Variants in NUMA1 observed in about 807,000 individuals in gnomAD.
NUMA1 encodes SP-H antigen.
In NUMA1, 62 loss-of-function variants were observed where a neutral mutation model predicts 237.1. That is an observed-to-expected ratio of 0.26 (90% CI 0.21 to 0.32). The LOEUF (loss-of-function observed/expected upper bound fraction) is 0.32, where lower values mean the gene tolerates loss of function less well. NUMA1 is among the 10% of genes least tolerant of loss of function. The probability of loss-of-function intolerance (pLI) is 1.00; values close to 1 mark genes in which losing one functional copy is unlikely to be tolerated. For missense variants in NUMA1, 2,533 were observed against 2,666.5 expected (o/e 0.95, Z 1.10); for synonymous variants, 1,028 against 1,066.1 (o/e 0.96, Z 0.70).
chr11:72,004,951 C>T, intron 23 of NUMA1, 135 bp from the exon 24 acceptor site: 1 of 919,806 alleles, frequency 1.1e-6, no homozygotes, highest in Non-Finnish European at 1.6e-6. Context: ...TAGAAAGACA[C>T]AAGGCCTCCT....
At chr11:72,077,210 T>C (rs1057264057) in intron 1 of NUMA1, among the ~76,000 whole-genome samples, 5 of 152,276 alleles carry the variant, frequency 3.3e-5, no homozygotes, top group Middle Eastern at 3.4e-3. Context: ...GAGGTAATGA[T>C]TGGGAATTTT....
In NUMA1 at chr11:72,041,920, G is replaced by T. The variant is rs1407311261; in HGVS notation, c.-32-5945C>A. The T allele has an allele frequency of 3.3e-5, 5 of 152,384 alleles. No individual in the cohort carries two copies. The East Asian group carries it at 9.6e-4, about 29-fold the overall frequency. The allele number at this position is 152,384 out of a possible 1,614,324, so 9.4% of individuals were successfully genotyped here. ...GGCAGATTCTGGCCCTGGAGTACAG[G>T]CCTGCGCTGTCCTGTGCTGCGTGCT... On this transcript the variant is annotated intron_variant, in intron 2 of 26. Transcript: ENST00000393695.
intron 2 of NUMA1, among the ~76,000 whole-genome samples, chr11:72,054,290 A>G (rs1942520042): frequency 6.6e-6 from 1 of 151,830 alleles, no homozygotes; most frequent in Non-Finnish European, 1.5e-5. Context: ...ACATGGTGAA[A>G]CCCTGTCTCC....
chr11:72,022,157 C>T (rs141670596), intron 7 of NUMA1, 182 bp downstream of exon 7: 11 of 527,112 alleles, frequency 2.1e-5, no homozygotes, highest in African/African-American at 7.8e-5. Context: ...ATGAGTTTAT[C>T]GGCAACTGTT....
Position 72,004,092 on chromosome 11 carries a change from C to T in NUMA1, c.6131G>A (p.Arg2044Gln), listed in dbSNP as rs201385605. The change falls in exon 26 of 27, where the codon CGG becomes CAG. Residue 2044 changes from arginine (R) to glutamine (Q), a missense_variant. Arg to Gln is a conservative substitution (Grantham distance 43). This residue lies in a region of NUMA1 where 795 missense variants were observed against 750.8 expected (regional missense o/e 1.06). Transcript: ENST00000393695. ...AAPASTKQAD[R>Q]RQSMAFSILN... ...GATGCTGAAGGCCATCGACTGGCGC[C>T]GGTCAGCCTGCAAGGAAGGGCTGTC... is the stretch of plus-strand genomic sequence containing the variant. 1.9e-4 allele frequency: 303 copies of T among 1,613,214 alleles called. 2 individuals are homozygous for T. The highest frequency in any genetic ancestry group is 1.4e-4 in the Non-Finnish European group (163 of 1,179,698).
chr11:72,009,136 T>C lies in NUMA1; in HGVS notation c.4889A>G (p.Glu1630Gly). 6.2e-7 allele frequency: 1 copy of C among 1,611,726 alleles called. No individual in the cohort carries two copies. The highest frequency in any genetic ancestry group is 1.1e-5 in the South Asian group (1 of 91,020). Residue 1630 changes from glutamate (E) to glycine (G), a missense_variant, in exon 19 of 27, where the codon GAG becomes GGG. Physicochemically the swap from Glu to Gly is moderately conservative, Grantham distance 98. Transcript: ENST00000393695. ...HYDAKKQQNQ[E>G]LQEQLRSLEQ... ...CAGGCTCCGCAGCTGCTCCTGCAGC[T>C]CTTGGTTCTGCTGCTTCTTGGCATC...
At chr11:72,068,226 A>C (rs1449894334) in intron 2 of NUMA1, 1 of 152,226 alleles carries the variant, frequency 6.6e-6, no homozygotes, top group Non-Finnish European at 1.5e-5. Flanking sequence ...CCTCAGCTGC[A>C]GTTTCCTATA....
At chr11:72,006,558 GAAAT>G (rs1293697211) in intron 21 of NUMA1, among the ~76,000 whole-genome samples, 1 of 152,196 alleles carries the variant, frequency 6.6e-6, no homozygotes, top group Non-Finnish European at 1.5e-5. Context: ...GAAGTGCAAA[GAAAT>G]AAAGTGACTA....
At chr11:72,012,076 G>A (rs1366584820) in intron 16 of NUMA1, among the ~76,000 whole-genome samples, 1 of 152,206 alleles carries the variant, frequency 6.6e-6, no homozygotes, top group Non-Finnish European at 1.5e-5. Flanking sequence ...ACAGTACTTG[G>A]GAAGTTCTCG....
chr11:72,014,724 C>G lies in NUMA1; in HGVS notation c.2779G>C (p.Gly927Arg). The G allele has an allele frequency of 6.2e-7, 1 of 1,614,120 alleles. No homozygotes were observed. Among genetic ancestry groups the G allele is most frequent in the Non-Finnish European group, 8.5e-7 (1 of 1,180,050 alleles). Residue 927 changes from glycine (G) to arginine (R), a missense_variant, in exon 15 of 27, where the codon GGT (glycine) becomes CGT (arginine). By Grantham distance (125) the Gly-to-Arg change is moderately radical. This residue lies in a region of NUMA1 where 1,414 missense variants were observed against 1,508.1 expected (regional missense o/e 0.94). Coordinates refer to ENST00000393695, the MANE Select transcript of NUMA1 (RefSeq NM_006185.4). This position sits in a 1 kb window ranked among gnomAD's most constrained non-coding sequence, Gnocchi z 4.6. Reference protein sequence around the residue: ...ARLETLVRKAGEQQETASREL... With the variant: ...ARLETLVRKAREQQETASREL... ...CGGGAGGCTGTTTCCTGCTGCTCAC[C>G]TGCCTTGCGCACCAAGGTCTCCAAG...
intron 2 of NUMA1, among the ~76,000 whole-genome samples, chr11:72,052,454 G>A (rs1286967726): frequency 2.0e-5 from 3 of 152,106 alleles, no homozygotes; most frequent in African/African-American, 4.8e-5. Context: ...TTTTAGGGAG[G>A]TGCATCAGAT....
At chr11:72,076,958 T>C (rs931869921) in intron 1 of NUMA1, among the ~76,000 whole-genome samples, 1 of 151,996 alleles carries the variant, frequency 6.6e-6, no homozygotes, top group Non-Finnish European at 1.5e-5. Context: ...ACAAGCAGAT[T>C]TGAAAATGAA....
intron 20 of NUMA1, 106 bp from the exon 21 acceptor site, chr11:72,007,541 G>T: frequency 7.3e-7 from 1 of 1,375,004 alleles, no homozygotes; most frequent in Non-Finnish European, 9.9e-7. Context: ...AGCAGATGAG[G>T]TCAAGCAGCC....
chr11:72,079,012 C>A (rs1943860551), intron 1 of NUMA1, among the ~76,000 whole-genome samples: 1 of 152,220 alleles, frequency 6.6e-6, no homozygotes, highest in African/African-American at 2.4e-5. Flanking sequence ...AAAATATCAT[C>A]ACGTTTTCAA....
At chr11:72,004,938 A>G (rs1288221860) in intron 23 of NUMA1, 122 bp from the exon 24 acceptor site, 7 of 1,025,646 alleles carry the variant, frequency 6.8e-6, no homozygotes, top group Non-Finnish European at 9.6e-6. Flanking sequence ...CTGCCTCACG[A>G]GGTAGAAAGA....
At position 72,003,140 on chromosome 11, in the gene NUMA1, G is replaced by C; in HGVS notation, c.*387C>G. 1 of 287,602 alleles carries C rather than the reference G, an allele frequency of 3.5e-6. No individual in the cohort carries two copies. 17.8% of individuals were successfully genotyped at this position (287,602 alleles called of 1,614,324 possible). On this transcript the variant is annotated 3_prime_UTR_variant, in exon 27 of 27. Coordinates refer to ENST00000393695, the MANE Select transcript of NUMA1 (RefSeq NM_006185.4). ...GGCCCCTGCTGGGCCCAGCCACCAG[G>C]ACAGCAGGAACCAGGGCCTACTCCT...
chr11:72,052,042 T>G (rs1316635147), intron 2 of NUMA1, among the ~76,000 whole-genome samples: 1 of 151,990 alleles, frequency 6.6e-6, no homozygotes, highest in Non-Finnish European at 1.5e-5. Flanking sequence ...GAAAATGGAC[T>G]TAGGTGGCAG....
intron 2 of NUMA1, among the ~76,000 whole-genome samples, chr11:72,040,426 G>T (rs577899544): frequency 6.7e-6 from 1 of 149,736 alleles, no homozygotes; most frequent in South Asian, 2.1e-4. Flanking sequence ...GCCATGTATT[G>T]TACTGGGGCG....
rs374014308 is a variant in NUMA1, at chr11:72,034,896, G to A, written c.42+1006C>T. 1.4e-4 allele frequency among the ~76,000 whole-genome samples: 21 copies of A among 151,978 alleles called. No individual in the cohort carries two copies. The East Asian group carries it at 3.3e-3, about 24-fold the overall frequency. On this transcript the variant is annotated intron_variant, in intron 3 of 26. Transcript: ENST00000393695. Reference sequence around the variant, plus strand: ...TTTTGAAACATGGTCTCACTCTGTCGCCCACGCTGGAATGCAGTGGTGCAA... The same window carrying A: ...TTTTGAAACATGGTCTCACTCTGTCACCCACGCTGGAATGCAGTGGTGCAA...
Sources: gnomAD v4.1 joint callset for allele counts (sites outside exome capture counted in the v4.1 genomes callset) on GRCh38, gnomAD v4.1.1 for gene constraint, gnomAD v4.1.1 regional missense constraint, Gnocchi (gnomAD v3.1) non-coding constraint, MANE v1.5 for transcripts, NCBI Gene and HGNC (gene_info 2026-07-23, HGNC 2026-07-21) for gene names.